Variants in RNF207 observed in about 807,000 individuals in gnomAD.
The protein encoded by RNF207 is OTTHUMG00000001089.
In RNF207, 72 loss-of-function variants were observed where a neutral mutation model predicts 79.0. The ratio of observed to expected loss-of-function variants is 0.91; its 90% CI spans 0.75 to 1.11. The LOEUF is 1.11. RNF207 is among the 50% of genes least tolerant of loss of function. The pLI, the probability that RNF207 is intolerant of heterozygous loss-of-function variation, is 0.00. For synonymous variants in RNF207, 348 were observed against 366.2 expected (o/e 0.95, Z 0.57); for missense variants, 936 against 855.8 (o/e 1.09, Z -1.17).
chr1:6,215,182 C>T lies in RNF207; in HGVS notation c.1652+1999C>T, dbSNP rs1054759718. ...TAGCTGGGATTACAGGCATGCGCCA[C>T]CACGCCCGGCTAATTTTGTATTTTT... On this transcript the variant is annotated intron_variant, in intron 16 of 17. Coordinates refer to ENST00000377939, the MANE Select transcript of RNF207 (RefSeq NM_207396.3). 5.9e-5 allele frequency among the ~76,000 whole-genome samples: 9 copies of T among 152,250 alleles called. No individual in the cohort carries two copies. In the East Asian group the frequency reaches 1.2e-3, roughly 20 times the overall value.
At chr1:6,209,878 G>A in intron 7 of RNF207, 46 bp from the exon 8 acceptor site, 3 of 1,546,734 alleles carry the variant, frequency 1.9e-6, no homozygotes, top group Middle Eastern at 1.7e-4. Flanking sequence ...GTGGGAGGTG[G>A]CAGGGCTGGG....
chr1:6,216,146 A>G (rs1012275647), intron 16 of RNF207, among the ~76,000 whole-genome samples: 19 of 151,980 alleles, frequency 1.3e-4, no homozygotes, highest in African/African-American at 4.6e-4. Context: ...AACCCCTCAG[A>G]CTTCGGCTGC....
chr1:6,209,279 C>T lies in RNF207; in HGVS notation c.563C>T (p.Ala188Val), dbSNP rs1216606217. 1 of 1,549,056 alleles carries T rather than the reference C, an allele frequency of 6.5e-7. No homozygotes were observed. The highest frequency in any genetic ancestry group is 8.7e-7 in the Non-Finnish European group (1 of 1,146,668). ...CFRDMQKESR[A>V]HCVDLESAYV... ...GCCGCCTTCTGCAGGGAGAGCCGGG[C>T]ACACTGCGTGGACCTGGAATCGGCT... Residue 188 changes from alanine to valine, a missense_variant, in exon 6 of 18, where the codon GCA (alanine) becomes GTA (valine). Transcript: ENST00000377939.
At chr1:6,208,702 C>T (rs1440230638) in intron 3 of RNF207, 179 bp from the exon 4 acceptor site, 17 of 614,390 alleles carry the variant, frequency 2.8e-5, no homozygotes, top group Non-Finnish European at 4.7e-5. Context: ...GCCGCAGTGC[C>T]CTCCTCTGTA....
Position 6,207,706 on chromosome 1 carries a change from T to C in RNF207, c.324+195T>C, listed in dbSNP as rs929849479. On this transcript the variant is annotated intron_variant, in intron 3 of 17. Transcript: ENST00000377939. The surrounding 1 kb of genome is among the most constrained non-coding windows in gnomAD (Gnocchi z 4.5). ...AGACTGAGGTCCAGAACAAGGGACT[T>C]GAGCCAGTGTCCAGACAGTGGCAGA... is the stretch of plus-strand genomic sequence containing the variant. The C allele has an allele frequency of 2.1e-5, 15 of 726,690 alleles. No individual in the cohort carries two copies. Among genetic ancestry groups the C allele is most frequent in the African/African-American group, 3.5e-5 (2 of 57,664 alleles). 45.0% of individuals were successfully genotyped at this position (726,690 alleles called of 1,614,324 possible).
At position 6,207,746 on chromosome 1, in the gene RNF207, G is replaced by C; in HGVS notation, c.324+235G>C. 1 of 684,588 alleles carries C rather than the reference G, an allele frequency of 1.5e-6. No individual in the cohort carries two copies. The highest frequency in any genetic ancestry group is 1.5e-5 in the South Asian group (1 of 65,812). 42.4% of individuals were successfully genotyped at this position (684,588 alleles called of 1,614,324 possible). On this transcript the variant is annotated intron_variant, in intron 3 of 17. Coordinates refer to ENST00000377939, the MANE Select transcript of RNF207 (RefSeq NM_207396.3). This position sits in a 1 kb window ranked among gnomAD's most constrained non-coding sequence, Gnocchi z 4.5. ...ACAGTGGCAGAGGCTAAGGCCATTC[G>C]ATCTGGGGAGAGCTCACTGGTCCCC...
At chr1:6,216,250 C>T (rs1219318765) in intron 16 of RNF207, among the ~76,000 whole-genome samples, 2 of 152,158 alleles carry the variant, frequency 1.3e-5, no homozygotes, top group African/African-American at 4.8e-5. Flanking sequence ...GTGGGGACAA[C>T]GTCCTGGGTG....
At chr1:6,208,312 T>TA (rs1288801005) in intron 3 of RNF207, 2,747 of 145,124 alleles carry the variant, frequency 0.019, 96 homozygotes, top group African/African-American at 0.062. Flanking sequence ...TTGTTGCAGG[T>TA]AAAAAAAAAA....
Position 6,206,588 on chromosome 1 carries a change from CG to C in RNF207, c.54del (p.Ser19AlafsTer51), listed in dbSNP as rs1557581081. ...GAGGGCCCGAGCTCCCTGGATGCCC[CG>C]AGCATCCACCCGCTGGTGTGCCCGC... ...PLEGPSSLDA[P>X]SIHPLVCPLC... On this transcript the variant is annotated frameshift_variant, in exon 2 of 18. Transcript: ENST00000377939. LOFTEE classifies it high-confidence loss of function. 6.2e-7 allele frequency: 1 copy of C among 1,603,520 alleles called. No homozygotes were observed. The highest frequency in any genetic ancestry group is 1.7e-5 in the Admixed American group (1 of 59,892).
At position 6,219,396 on chromosome 1, in the gene RNF207, C is replaced by T. The variant is rs771602062; in HGVS notation, c.1894C>T (p.His632Tyr). 6.2e-6 allele frequency: 10 copies of T among 1,603,742 alleles called. No individual in the cohort carries two copies. The African/African-American group carries it at 1.3e-4, about 22-fold the overall frequency. Residue 632 changes from histidine (H) to tyrosine (Y), a missense_variant, in exon 18 of 18, where the codon CAC becomes TAC. Coordinates refer to ENST00000377939, the MANE Select transcript of RNF207 (RefSeq NM_207396.3). The stretch of plus-strand genomic sequence containing the variant: ...GGGCGATGTCCCCACATGGAGGGAA[C>T]ACCCGACTTAGCAAATGGGACCGGT... ...NGGDVPTWREHPT is the reference protein window; with the variant it reads ...NGGDVPTWREYPT
At position 6,212,738 on chromosome 1, in the gene RNF207, C is replaced by T. The variant is rs781540465; in HGVS notation, c.1534+5C>T. 1.2e-6 allele frequency: 2 copies of T among 1,611,956 alleles called. No individual in the cohort carries two copies. Among genetic ancestry groups the T allele is most frequent in the Non-Finnish European group, 1.7e-6 (2 of 1,178,300 alleles). ...ATGAGCAGGAGATTTATGAAGGTTCCAGACAGTTGGCTGCCGAGTGAACCC... is the reference window on the plus strand; with the variant it reads ...ATGAGCAGGAGATTTATGAAGGTTCTAGACAGTTGGCTGCCGAGTGAACCC... On this transcript the variant is annotated splice_donor_5th_base_variant and intron_variant, in intron 15 of 17. Coordinates refer to ENST00000377939, the MANE Select transcript of RNF207 (RefSeq NM_207396.3).
In RNF207 at chr1:6,210,895, T is replaced by C; in HGVS notation, c.968T>C (p.Ile323Thr). ...GYELMERLQG[I>T]VTRPHHLRPI... ...GAGCTGATGGAGAGGCTGCAGGGCA[T>C]CGTCACGCGGCCGCACCACCTAAGG... The change falls in exon 11 of 18, where the codon ATC becomes ACC. Residue 323 changes from isoleucine to threonine, a missense_variant. Physicochemically the swap from Ile to Thr is moderately conservative, Grantham distance 89. Transcript: ENST00000377939. 1.2e-6 allele frequency: 2 copies of C among 1,604,876 alleles called. No homozygotes were observed. The highest frequency in any genetic ancestry group is 1.7e-6 in the Non-Finnish European group (2 of 1,176,832).
Position 6,211,221 on chromosome 1 carries a change from C to T in RNF207, c.1109+103C>T, listed in dbSNP as rs536297148. On this transcript the variant is annotated intron_variant, in intron 12 of 17. Transcript: ENST00000377939. The surrounding 1 kb of genome is among the most constrained non-coding windows in gnomAD (Gnocchi z 4.2). Reference sequence around the variant, plus strand: ...ATCGCCAGCAAGAAGCCAGGTGCCACCATTCCTTCCTCCGTCCTTAGCTCG... The same window carrying T: ...ATCGCCAGCAAGAAGCCAGGTGCCATCATTCCTTCCTCCGTCCTTAGCTCG... The T allele has an allele frequency of 1.3e-6, 1 of 763,308 alleles. No homozygotes were observed. Among genetic ancestry groups the T allele is most frequent in the South Asian group, 1.7e-5 (1 of 58,070 alleles). The allele number at this position is 763,308 out of a possible 1,614,324, so 47.3% of individuals were successfully genotyped here.
Position 6,210,151 on chromosome 1 carries a change from A to C in RNF207, c.801-72A>C, listed in dbSNP as rs74049508. 0.011 allele frequency: 15,756 copies of C among 1,406,244 alleles called. 984 individuals are homozygous for C. The African/African-American group carries it at 0.17, about 15-fold the overall frequency. The allele number at this position is 1,406,244 out of a possible 1,614,324, so 87.1% of individuals were successfully genotyped here. A position where few individuals can be genotyped will look rare whatever the true frequency, so the allele number is the denominator to read the frequency against. On this transcript the variant is annotated intron_variant, in intron 8 of 17. Coordinates refer to ENST00000377939, the MANE Select transcript of RNF207 (RefSeq NM_207396.3). ...TTCAGGGACGGACATGCGAAGCTGG[A>C]GGCGGGTGGGGGATGGAACTGCCCG...
Position 6,211,442 on chromosome 1 carries a change from C to A in RNF207, c.1109+324C>A, listed in dbSNP as rs112115387. Among the ~76,000 whole-genome samples, 1 of 152,114 alleles carries A rather than the reference C, an allele frequency of 6.6e-6. No homozygotes were observed. Among genetic ancestry groups the A allele is most frequent in the Admixed American group, 6.5e-5 (1 of 15,274 alleles). On this transcript the variant is annotated intron_variant, in intron 12 of 17. Transcript: ENST00000377939. This position sits in a 1 kb window ranked among gnomAD's most constrained non-coding sequence, Gnocchi z 4.2. ...GGGGCGCCTGGGGCTGGGCTGACCG[C>A]CACCTAGGTGGCCTGAGGTCATAGG...
Position 6,219,375 on chromosome 1 carries a change from G to C in RNF207, c.1873G>C (p.Asp625His). ...HHRSKQKNGG[D>H]VPTWREHPT Reference sequence around the variant, plus strand: ...CAGATCCAAACAGAAAAATGGGGGCGATGTCCCCACATGGAGGGAACACCC... The same window carrying C: ...CAGATCCAAACAGAAAAATGGGGGCCATGTCCCCACATGGAGGGAACACCC... Residue 625 changes from aspartate (D) to histidine (H), a missense_variant, in exon 18 of 18, where the codon GAT becomes CAT. Physicochemically the swap from Asp to His is moderately conservative, Grantham distance 81 (BLOSUM62 -1). Transcript: ENST00000377939. 2 of 1,610,228 alleles carry C rather than the reference G, an allele frequency of 1.2e-6. No homozygotes were observed. The highest frequency in any genetic ancestry group is 1.7e-6 in the Non-Finnish European group (2 of 1,178,606).
Position 6,212,073 on chromosome 1 carries a change from C to T in RNF207, c.1296+20C>T. 2.5e-6 allele frequency: 4 copies of T among 1,575,442 alleles called. No homozygotes were observed. Among genetic ancestry groups the T allele is most frequent in the Admixed American group, 1.8e-5 (1 of 56,296 alleles). ...TACCGGGTGAGGGGGCAGGGATCTG[C>T]CGGAGGGGGGAGATGTCCTAACCCA... is the stretch of plus-strand genomic sequence containing the variant. On this transcript the variant is annotated intron_variant, in intron 13 of 17. Transcript: ENST00000377939.
intron 15 of RNF207, 61 bp downstream of exon 15, chr1:6,212,794 G>A: frequency 7.2e-7 from 1 of 1,389,126 alleles, no homozygotes. Context: ...CATACTAGCA[G>A]AGGAGGAAGT....
intron 11 of RNF207, 29 bp downstream of exon 11, chr1:6,210,967 C>T (rs746067784): frequency 5.1e-5 from 81 of 1,598,756 alleles, no homozygotes; most frequent in Non-Finnish European, 6.6e-5. Context: ...GGGCCAGGGT[C>T]GGGGGCCCTG....
Sources: gnomAD v4.1 joint callset for allele counts (sites outside exome capture counted in the v4.1 genomes callset) on GRCh38, gnomAD v4.1.1 for gene constraint, Gnocchi (gnomAD v3.1) non-coding constraint, MANE v1.5 for transcripts, NCBI Gene and HGNC (gene_info 2026-07-23, HGNC 2026-07-21) for gene names.